Variants in INPP5A observed in about 807,000 individuals in gnomAD.
The protein encoded by INPP5A is inositol polyphosphate-5-phosphatase A.
A neutral mutation model predicts 65.2 loss-of-function variants in INPP5A; 14 were observed. The ratio of observed to expected loss-of-function variants is 0.21; its 90% CI spans 0.14 to 0.34. The LOEUF is 0.34. INPP5A is among the 10% of genes least tolerant of loss of function. INPP5A has a pLI of 1.00. For synonymous variants in INPP5A, 207 were observed against 208.3 expected, an observed-to-expected ratio of 0.99 and a Z score of 0.05; for missense variants, 431 against 545.6, an observed-to-expected ratio of 0.79 and a Z score of 2.09.
intron 1 of INPP5A, among the ~76,000 whole-genome samples, chr10:132,542,721 CCTT>C (rs1243701666): frequency 2.6e-5 from 4 of 152,232 alleles, no homozygotes; most frequent in African/African-American, 7.2e-5. Context: ...TGTGGATCCT[CCTT>C]CTTCTTCAGG....
chr10:132,745,616 C>A (rs541427806), intron 9 of INPP5A, among the ~76,000 whole-genome samples: 1 of 115,254 alleles, frequency 8.7e-6, no homozygotes. Context: ...GTGTGTCAGA[C>A]CCTGGGTGTG....
rs550965451 is a variant in INPP5A, at chr10:132,549,470, A to G, written c.75+11299A>G. Reference sequence around the variant, plus strand: ...TACTTCCAAATAATAATTCCCCACAAGGATGGTTATCTTGCCGTGTTGGTA... The same window carrying G: ...TACTTCCAAATAATAATTCCCCACAGGGATGGTTATCTTGCCGTGTTGGTA... On this transcript the variant is annotated intron_variant, in intron 1 of 15. Transcript: ENST00000368594. This position sits in a 1 kb window ranked among gnomAD's most constrained non-coding sequence, Gnocchi z 4.9. Among the ~76,000 whole-genome samples the G allele has an allele frequency of 1.3e-5, 2 of 152,246 alleles. No homozygotes were observed. The highest frequency in any genetic ancestry group is 4.1e-4 in the South Asian group (2 of 4,834).
intron 4 of INPP5A, among the ~76,000 whole-genome samples, chr10:132,656,853 A>G (rs545453747): frequency 1.3e-5 from 2 of 152,324 alleles, no homozygotes; most frequent in East Asian, 3.9e-4. Context: ...GCAGGGCTCC[A>G]CAGGCCTGGG....
rs2072935131 is a variant in INPP5A, at chr10:132,674,378, C to T, written c.307-16014C>T. Among the ~76,000 whole-genome samples, 1 of 152,198 alleles carries T rather than the reference C, an allele frequency of 6.6e-6. No individual in the cohort carries two copies. Among genetic ancestry groups the T allele is most frequent in the African/African-American group, 2.4e-5 (1 of 41,450 alleles). ...AAGTTCTGCCCACTGGGAAGATTTC[C>T]CTTCACCGCTGTCCTTCAGGAATGT... On this transcript the variant is annotated intron_variant, in intron 4 of 15. Coordinates refer to ENST00000368594, the MANE Select transcript of INPP5A (RefSeq NM_005539.5). This position sits in a 1 kb window ranked among gnomAD's most constrained non-coding sequence, Gnocchi z 4.4.
At chr10:132,586,100 G>A (rs1363079806) in intron 1 of INPP5A, among the ~76,000 whole-genome samples, 2 of 152,120 alleles carry the variant, frequency 1.3e-5, no homozygotes, top group Admixed American at 1.3e-4. Context: ...TTGGGAAATG[G>A]GTGTGCCTCT....
intron 8 of INPP5A, among the ~76,000 whole-genome samples, chr10:132,716,386 CTG>C (rs761986415): frequency 1.3e-5 from 2 of 152,212 alleles, no homozygotes; most frequent in South Asian, 4.1e-4. Context: ...GCTGTGACGC[CTG>C]TGTGTGGTTT....
intron 4 of INPP5A, among the ~76,000 whole-genome samples, chr10:132,673,437 G>A (rs1465052055): frequency 6.6e-6 from 1 of 152,192 alleles, no homozygotes; most frequent in Non-Finnish European, 1.5e-5. Context: ...CTGATTCAGA[G>A]CATCCATGGC....
At chr10:132,688,002 T>C (rs1313222406) in intron 4 of INPP5A, among the ~76,000 whole-genome samples, 9 of 152,152 alleles carry the variant, frequency 5.9e-5, no homozygotes, top group Admixed American at 1.3e-4. Context: ...TGGTGAGGTG[T>C]CCATGTGGCC....
intron 1 of INPP5A, among the ~76,000 whole-genome samples, chr10:132,596,858 CAT>C (rs755136655): frequency 3.7e-5 from 3 of 81,502 alleles, no homozygotes; most frequent in East Asian, 7.1e-4. Context: ...CGTGTGTGTG[CAT>C]GTGTGTGCAT....
intron 9 of INPP5A, among the ~76,000 whole-genome samples, chr10:132,730,781 C>T (rs528639337): frequency 6.6e-6 from 1 of 152,210 alleles, no homozygotes; most frequent in Non-Finnish European, 1.5e-5. Context: ...TGCTGTGAGC[C>T]TGACCGCAAG....
intron 4 of INPP5A, among the ~76,000 whole-genome samples, chr10:132,679,394 G>A (rs537740790): frequency 2.6e-5 from 4 of 152,288 alleles, no homozygotes; most frequent in African/African-American, 7.2e-5. Flanking sequence ...TGCAGCCGCC[G>A]GGCCAGGAGG....
At chr10:132,662,640 G>A (rs58686922) in intron 4 of INPP5A, among the ~76,000 whole-genome samples, 2,746 of 152,302 alleles carry the variant, frequency 0.018, 87 homozygotes, top group African/African-American at 0.062. Context: ...GGAGAAGCCA[G>A]GTCAAGCCCA....
rs192564092 is a variant in INPP5A at position 132,665,366 on chromosome 10, C to G, written c.306+14861C>G. 1.1e-4 allele frequency among the ~76,000 whole-genome samples: 17 copies of G among 152,318 alleles called. No individual in the cohort carries two copies. In the East Asian group the frequency reaches 1.9e-3, roughly 17 times the overall value. ...TGTGTTTTTCCCCTCGATTCTGTGT[C>G]GCTAATTGTTAATTATGACAAAGGA... On this transcript the variant is annotated intron_variant, in intron 4 of 15. Transcript: ENST00000368594.
At chr10:132,582,415 CTTT>C (rs34719567) in intron 1 of INPP5A, among the ~76,000 whole-genome samples, 11 of 132,850 alleles carry the variant, frequency 8.3e-5, no homozygotes, top group Non-Finnish European at 8.0e-5. Flanking sequence ...TTGTTGATAA[CTTT>C]TTTTTTTTTT....
At position 132,697,661 on chromosome 10, in the gene INPP5A, G is replaced by T. The variant is rs966269845; in HGVS notation, c.371-155G>T. On this transcript the variant is annotated intron_variant, in intron 5 of 15. Transcript: ENST00000368594. This position sits in a 1 kb window ranked among gnomAD's most constrained non-coding sequence, Gnocchi z 5.6. Reference sequence around the variant, plus strand: ...GCATGGAGTAGCCGGCCCGCTGGGGGTCTGTTCTGGGTCGGACCCCTCATC... The same window carrying T: ...GCATGGAGTAGCCGGCCCGCTGGGGTTCTGTTCTGGGTCGGACCCCTCATC... Among the ~76,000 whole-genome samples the T allele has an allele frequency of 6.6e-6, 1 of 152,100 alleles. No individual in the cohort carries two copies. The highest frequency in any genetic ancestry group is 1.5e-5 in the Non-Finnish European group (1 of 68,016).
intron 4 of INPP5A, among the ~76,000 whole-genome samples, chr10:132,660,191 G>C (rs1011365824): frequency 6.6e-6 from 1 of 152,130 alleles, no homozygotes; most frequent in Non-Finnish European, 1.5e-5. Flanking sequence ...TGAGTGACGG[G>C]GAAAGATAGT....
At chr10:132,631,412 C>T (rs940712273) in intron 2 of INPP5A, among the ~76,000 whole-genome samples, 1 of 152,174 alleles carries the variant, frequency 6.6e-6, no homozygotes, top group Non-Finnish European at 1.5e-5. Flanking sequence ...GGGTGGGCAG[C>T]GGGGATTTTA....
intron 12 of INPP5A, among the ~76,000 whole-genome samples, chr10:132,767,345 T>G (rs59524595): frequency 0.78 from 30,369 of 38,822 alleles, 12,225 homozygotes; most frequent in East Asian, 0.99. Context: ...GGAGGATGTG[T>G]CCTCAGCTTG....
At chr10:132,543,385 G>A (rs889207665) in intron 1 of INPP5A, among the ~76,000 whole-genome samples, 3 of 152,022 alleles carry the variant, frequency 2.0e-5, no homozygotes, top group Admixed American at 6.6e-5. Flanking sequence ...ATGCTGCAGC[G>A]TGCGTCAGTC....
Sources: allele counts gnomAD v4.1 joint callset (sites outside exome capture counted in the v4.1 genomes callset), GRCh38; gene constraint gnomAD v4.1.1; non-coding constraint Gnocchi (gnomAD v3.1); transcripts MANE v1.5; gene names NCBI Gene and HGNC (gene_info 2026-07-23, HGNC 2026-07-21).